NUP210L: variants seen among roughly 807,000 people sequenced by gnomAD.
NUP210L encodes nucleoporin 210 like.
Under a neutral mutation model 208.5 loss-of-function variants are expected in NUP210L, and 74 were observed. That is an observed-to-expected ratio of 0.35 (90% confidence interval 0.29 to 0.43). The LOEUF (loss-of-function observed/expected upper bound fraction) is 0.43. NUP210L is among the 20% of genes least tolerant of loss of function. The probability of loss-of-function intolerance (pLI) is 1.00; values close to 1 mark genes in which losing one functional copy is unlikely to be tolerated. For missense variants in NUP210L, 1,843 were observed against 2,289.4 expected (o/e 0.81, Z 3.98); for synonymous variants, 780 against 816.9 (o/e 0.95, Z 0.77).
chr1:154,098,621 T>C (rs1339183206), intron 14 of NUP210L, among the ~76,000 whole-genome samples: 2 of 152,074 alleles, frequency 1.3e-5, no homozygotes, highest in Admixed American at 1.3e-4. Context: ...GGTTGCCCAA[T>C]GTCTTCTGCC....
intron 15 of NUP210L, among the ~76,000 whole-genome samples, chr1:154,091,074 A>ATTATTATTATTC (rs1557970177): frequency 4.7e-5 from 2 of 42,484 alleles, no homozygotes; most frequent in Admixed American, 3.1e-4. Flanking sequence ...TATTGCTGTT[A>ATTATTATTATTC]TTATTATTAT....
intron 37 of NUP210L, chr1:153,995,648 C>T (rs980958686): frequency 1.5e-6 from 2 of 1,314,438 alleles, no homozygotes; most frequent in African/African-American, 2.9e-5. Flanking sequence ...CAGCGTTTGA[C>T]ATACCAACGT....
chr1:154,031,148 G>A (rs1227462960), intron 27 of NUP210L, among the ~76,000 whole-genome samples: 4 of 152,232 alleles, frequency 2.6e-5, no homozygotes, highest in Admixed American at 2.6e-4. Context: ...GAGTGCAATG[G>A]CATGATTTCA....
exon 15 of NUP210L, chr1:154,094,975 T>C: frequency 1.2e-6 from 2 of 1,614,170 alleles, no homozygotes; most frequent in Non-Finnish European, 1.7e-6. Context: ...GTAGATGTAC[T>C]GGTTCTGTTT....
intron 27 of NUP210L, 56 bp from the exon 28 acceptor site, chr1:154,030,110 CT>C (rs376684553): frequency 2.8e-4 from 339 of 1,193,596 alleles, no homozygotes; most frequent in African/African-American, 7.8e-4. Context: ...GGTGTCCTTC[CT>C]TTTTTTTTCA....
chr1:154,053,016 G>A (rs1832582), intron 25 of NUP210L, among the ~76,000 whole-genome samples: 43,227 of 152,130 alleles, frequency 0.28, 6,984 homozygotes, highest in Non-Finnish European at 0.37. Context: ...GATATGGCCC[G>A]CTCTAGGGGC....
At chr1:154,153,470 C>T (rs1463552407) in intron 1 of NUP210L, among the ~76,000 whole-genome samples, 1 of 152,090 alleles carries the variant, frequency 6.6e-6, no homozygotes, top group Non-Finnish European at 1.5e-5. Context: ...CCACTATGCC[C>T]GACTAATTTT....
intron 12 of NUP210L, among the ~76,000 whole-genome samples, chr1:154,105,957 GGA>G (rs1656736215): frequency 1.3e-5 from 2 of 152,110 alleles, no homozygotes; most frequent in Non-Finnish European, 2.9e-5. Flanking sequence ...TTTGAACAAA[GGA>G]GAGTCAAGAA....
intron 12 of NUP210L, among the ~76,000 whole-genome samples, chr1:154,116,850 T>A (rs1657358040): frequency 6.6e-6 from 1 of 152,138 alleles, no homozygotes; most frequent in Non-Finnish European, 1.5e-5. Flanking sequence ...AAAGTTACTA[T>A]AAAGGCCATT....
intron 12 of NUP210L, 135 bp from the exon 13 acceptor site, chr1:154,104,345 T>C (rs1656637092): frequency 1.5e-6 from 1 of 686,096 alleles, no homozygotes; most frequent in East Asian, 2.6e-5. Context: ...TGACTATCCA[T>C]ACAAGAAGTC....
At chr1:154,043,020 C>A (rs1475510670) in intron 27 of NUP210L, among the ~76,000 whole-genome samples, 6 of 106,308 alleles carry the variant, frequency 5.6e-5, no homozygotes, top group African/African-American at 2.4e-4. Flanking sequence ...CCCATTAAGA[C>A]CTTTTTTTTT....
intron 1 of NUP210L, among the ~76,000 whole-genome samples, chr1:154,153,106 A>T (rs1659484504): frequency 6.6e-6 from 1 of 152,012 alleles, no homozygotes; most frequent in Non-Finnish European, 1.5e-5. Flanking sequence ...AATTTTTTTT[A>T]AAAGATTTTT....
At chr1:154,100,122 A>C in exon 14 of NUP210L, 2 of 1,614,116 alleles carry the variant, frequency 1.2e-6, no homozygotes, top group Non-Finnish European at 1.7e-6. Context: ...GGAACAATGC[A>C]TTGGTCCAGG....
intron 27 of NUP210L, among the ~76,000 whole-genome samples, chr1:154,044,048 G>T (rs1283253036): frequency 6.6e-6 from 1 of 152,132 alleles, no homozygotes; most frequent in Non-Finnish European, 1.5e-5. Flanking sequence ...TAAAGAAAGG[G>T]AGAAGTAGAA....
chr1:154,146,115 C>T (rs1362825358), intron 2 of NUP210L, among the ~76,000 whole-genome samples: 1 of 151,866 alleles, frequency 6.6e-6, no homozygotes, highest in Admixed American at 6.6e-5. Context: ...TCTCATAGAA[C>T]TAAAAAGTAA....
At chr1:154,104,231 T>C in intron 12 of NUP210L, 21 bp from the exon 13 acceptor site, 2 of 1,605,996 alleles carry the variant, frequency 1.2e-6, no homozygotes, top group African/African-American at 1.3e-5. Context: ...AAAATTCATC[T>C]TTCAAGAAAG....
At chr1:154,112,769 T>A (rs1400654135) in intron 12 of NUP210L, among the ~76,000 whole-genome samples, 1 of 151,546 alleles carries the variant, frequency 6.6e-6, no homozygotes, top group Non-Finnish European at 1.5e-5. Context: ...GGTGGGAAGA[T>A]TGGATGAGAC....
chr1:154,125,663 A>G (rs1310319427), intron 10 of NUP210L, among the ~76,000 whole-genome samples: 1 of 2,498 alleles, frequency 4.0e-4, no homozygotes, highest in African/African-American at 8.8e-4. Context: ...GGAAGGAAGG[A>G]AGGAAGGAAG....
intron 34 of NUP210L, among the ~76,000 whole-genome samples, chr1:154,010,543 T>G (rs981060205): frequency 1.2e-4 from 18 of 151,222 alleles, no homozygotes; most frequent in African/African-American, 4.4e-4. Flanking sequence ...CTGGCGTCAG[T>G]GGGAGTAAGA....
Sources: gnomAD v4.1 joint callset for allele counts (sites outside exome capture counted in the v4.1 genomes callset) on GRCh38, gnomAD v4.1.1 for gene constraint, MANE v1.5 for transcripts, NCBI Gene and HGNC (gene_info 2026-07-23, HGNC 2026-07-21) for gene names.